Variants in DLC1 observed in about 807,000 individuals in gnomAD.
The protein encoded by DLC1 is rho GTPase-activating protein 7.
Under a neutral mutation model 140.3 loss-of-function variants are expected in DLC1, and 54 were observed. The observed-to-expected ratio is 0.38, with a 90% CI of 0.31 to 0.48. The LOEUF (loss-of-function observed/expected upper bound fraction) is 0.48. DLC1 is among the 20% of genes least tolerant of loss of function. The pLI is 0.96. For synonymous variants in DLC1, 986 were observed against 728.1 expected (o/e 1.35, Z -5.70); for missense variants, 2,536 against 1,907.0 (o/e 1.33, Z -6.14).
chr8:13,101,243 T>C (rs573012116), intron 8 of DLC1, among the ~76,000 whole-genome samples: 28 of 152,282 alleles, frequency 1.8e-4, no homozygotes, highest in African/African-American at 5.1e-4. Flanking sequence ...CAAAGATGTA[T>C]TTAAAGAATT....
chr8:13,529,040 A>T (rs929833889), intron 1 of DLC1, among the ~76,000 whole-genome samples: 13 of 152,234 alleles, frequency 8.5e-5, no homozygotes, highest in Non-Finnish European at 1.5e-4. Flanking sequence ...GGAAGTAACA[A>T]CAGTGACATT....
chr8:13,414,137 T>C (rs1185953224), intron 2 of DLC1, among the ~76,000 whole-genome samples: 1 of 152,188 alleles, frequency 6.6e-6, no homozygotes, highest in Non-Finnish European at 1.5e-5. Flanking sequence ...TACTTTATAA[T>C]ATATTTTTCA....
intron 5 of DLC1, among the ~76,000 whole-genome samples, chr8:13,244,977 A>C (rs953686135): frequency 5.9e-5 from 9 of 152,198 alleles, no homozygotes; most frequent in African/African-American, 2.2e-4. Flanking sequence ...ATTCTTTGAC[A>C]TAACTTCCTT....
Position 13,099,753 on chromosome 8 carries a change from C to G in DLC1, c.2584G>C (p.Glu862Gln). The change falls in exon 9 of 18, where the codon GAA becomes CAA. Residue 862 changes from glutamate to glutamine, a missense_variant. By Grantham distance (29) the Glu-to-Gln change is conservative (BLOSUM62 2). Transcript: ENST00000276297. ...CTGGAAGAATTGCGTCTCTTCAGTT[C>G]CTTGGGGCTGTCGCTACTGTTTTCC... ...RRENSSDSPK[E>Q]LKRRNSSSSM... is the part of the protein sequence containing the mutation. 4.3e-6 allele frequency: 7 copies of G among 1,614,138 alleles called. No homozygotes were observed. The highest frequency in any genetic ancestry group is 5.9e-6 in the Non-Finnish European group (7 of 1,180,042).
chr8:13,126,414 T>G (rs1821575660), intron 5 of DLC1, among the ~76,000 whole-genome samples: 1 of 149,494 alleles, frequency 6.7e-6, no homozygotes, highest in Non-Finnish European at 1.5e-5. Flanking sequence ...TACGTATTTC[T>G]AGTATTCCAC....
intron 1 of DLC1, among the ~76,000 whole-genome samples, chr8:13,588,675 T>C (rs1187010963): frequency 2.0e-5 from 3 of 152,114 alleles, no homozygotes; most frequent in Non-Finnish European, 4.4e-5. Flanking sequence ...CTCTAACTTT[T>C]GGCTCAATAT....
At chr8:13,451,334 G>A (rs184542581) in intron 2 of DLC1, among the ~76,000 whole-genome samples, 6 of 152,114 alleles carry the variant, frequency 3.9e-5, no homozygotes, top group East Asian at 3.9e-4. Context: ...AAAATTGGGC[G>A]TCCATTCCCT....
At chr8:13,301,464 A>G (rs186125544) in intron 5 of DLC1, among the ~76,000 whole-genome samples, 233 of 152,302 alleles carry the variant, frequency 1.5e-3, no homozygotes, top group African/African-American at 5.1e-3. Flanking sequence ...TTATCATAAA[A>G]GACAGCTACC....
In DLC1 at chr8:13,099,520, C is replaced by T; in HGVS notation, c.2817G>A (p.Ser939=). Residue 939 remains serine (S), a synonymous_variant, in exon 9 of 18, where the codon TCG becomes TCA. Transcript: ENST00000276297. ...DEGDSDSALD[S]VSPCPSSPKQ... ...TTGGAGAGGACGGGCAGGGAGAGAC[C>T]GAGTCCAGGGCTGAGTCCGAATCTC... The T allele has an allele frequency of 3.1e-6, 5 of 1,614,120 alleles. No individual in the cohort carries two copies. The highest frequency in any genetic ancestry group is 4.2e-6 in the Non-Finnish European group (5 of 1,180,030).
At chr8:13,445,476 T>G (rs2116942015) in intron 2 of DLC1, among the ~76,000 whole-genome samples, 1 of 152,296 alleles carries the variant, frequency 6.6e-6, no homozygotes, top group South Asian at 2.1e-4. Context: ...GCCTGTAGTG[T>G]CCAACATTCT....
At chr8:13,234,897 G>A (rs746551265) in intron 5 of DLC1, among the ~76,000 whole-genome samples, 1 of 152,006 alleles carries the variant, frequency 6.6e-6, no homozygotes, top group Non-Finnish European at 1.5e-5. Context: ...TTTACGAATC[G>A]TATTATTTTA....
intron 2 of DLC1, among the ~76,000 whole-genome samples, chr8:13,446,519 G>C (rs115220151): frequency 6.6e-6 from 1 of 151,644 alleles, no homozygotes; most frequent in South Asian, 2.1e-4. Flanking sequence ...AGTGAACTTT[G>C]GCTTTGTGTA....
At chr8:13,545,629 T>C (rs17094588) in intron 1 of DLC1, among the ~76,000 whole-genome samples, 42,610 of 151,968 alleles carry the variant, frequency 0.28, 6,398 homozygotes, top group South Asian at 0.4. Flanking sequence ...TAATACCATA[T>C]AAAGAGAACA....
At chr8:13,514,957 G>A (rs1397953732), upstream of DLC1, 1 of 271,656 alleles carries the variant, frequency 3.7e-6, no homozygotes, top group Non-Finnish European at 6.9e-6. Flanking sequence ...AGAGAGGGGA[G>A]GAGGGGAGAG....
At chr8:13,305,205 A>G in intron 5 of DLC1, 64 bp downstream of exon 5, 2 of 1,590,110 alleles carry the variant, frequency 1.3e-6, no homozygotes, top group Non-Finnish European at 1.7e-6. Flanking sequence ...TAAAATGCCT[A>G]TTTTAAGGTG....
intron 5 of DLC1, among the ~76,000 whole-genome samples, chr8:13,203,686 C>T (rs902486291): frequency 7.2e-5 from 11 of 152,002 alleles, no homozygotes; most frequent in African/African-American, 2.4e-4. Context: ...TAAACATAGG[C>T]TTTTACTTTT....
intron 2 of DLC1, among the ~76,000 whole-genome samples, chr8:13,483,133 G>A (rs886337146): frequency 1.3e-5 from 2 of 152,014 alleles, no homozygotes; most frequent in Admixed American, 6.5e-5. Context: ...TGGCTGCATC[G>A]GTCCAATCTC....
intron 4 of DLC1, among the ~76,000 whole-genome samples, chr8:13,346,556 T>G (rs537286626): frequency 6.6e-6 from 1 of 152,198 alleles, no homozygotes; most frequent in Non-Finnish European, 1.5e-5. Flanking sequence ...ATGTAAAGTT[T>G]AATTGTTCTA....
intron 1 of DLC1, among the ~76,000 whole-genome samples, chr8:13,586,338 A>C (rs925404467): frequency 2.0e-5 from 3 of 152,184 alleles, no homozygotes; most frequent in African/African-American, 7.2e-5. Flanking sequence ...TGATTTCTAG[A>C]AACAGGAAGT....
Sources: gnomAD v4.1 joint callset for allele counts (sites outside exome capture counted in the v4.1 genomes callset) on GRCh38, gnomAD v4.1.1 for gene constraint, MANE v1.5 for transcripts, NCBI Gene and HGNC (gene_info 2026-07-23, HGNC 2026-07-21) for gene names.